SPTA1: variants seen among roughly 807,000 people sequenced by gnomAD.
SPTA1 encodes spectrin alpha, erythrocytic 1.
SPTA1 carries 177 observed loss-of-function variants against 324.7 expected under a neutral mutation model. The ratio of observed to expected loss-of-function variants is 0.55; its 90% CI spans 0.48 to 0.62. The LOEUF (loss-of-function observed/expected upper bound fraction) is 0.62. Ranked by LOEUF, SPTA1 falls within the 20% of genes least tolerant of loss-of-function variation. The probability of loss-of-function intolerance (pLI) is 0.00; values close to 1 mark genes in which losing one functional copy is unlikely to be tolerated. For missense variants in SPTA1, 3,162 were observed against 2,883.6 expected, an observed-to-expected ratio of 1.10 and a Z score of -2.21; for synonymous variants, 1,195 against 1,041.3, an observed-to-expected ratio of 1.15 and a Z score of -2.84.
At chr1:158,672,652 A>G (rs1654106671) in intron 10 of SPTA1, among the ~76,000 whole-genome samples, 1 of 152,248 alleles carries the variant, frequency 6.6e-6, no homozygotes, top group African/African-American at 2.4e-5. Flanking sequence ...CACACTGAGA[A>G]GTTTGCATTT....
intron 18 of SPTA1, among the ~76,000 whole-genome samples, chr1:158,658,419 G>A (rs2101881100): frequency 6.6e-6 from 1 of 152,264 alleles, no homozygotes; most frequent in South Asian, 2.1e-4. Context: ...AGGAAATCCT[G>A]GAGGGTGAGA....
At chr1:158,685,660 A>G (rs929612924) in intron 1 of SPTA1, among the ~76,000 whole-genome samples, 23 of 152,268 alleles carry the variant, frequency 1.5e-4, no homozygotes, top group African/African-American at 5.3e-4. Flanking sequence ...GCAAAATCAC[A>G]TAATTTCAGA....
intron 17 of SPTA1, among the ~76,000 whole-genome samples, chr1:158,662,106 G>T (rs906307696): frequency 6.6e-6 from 1 of 152,034 alleles, no homozygotes; most frequent in Non-Finnish European, 1.5e-5. Context: ...TAAGCCTCAG[G>T]CTTTTATCTT....
intron 18 of SPTA1, among the ~76,000 whole-genome samples, chr1:158,659,989 A>T (rs1653103167): frequency 6.6e-6 from 1 of 152,148 alleles, no homozygotes; most frequent in Admixed American, 6.5e-5. Flanking sequence ...AGGACTCCAA[A>T]TCACAATGGC....
At chr1:158,670,574 T>C (rs988496142) in intron 12 of SPTA1, among the ~76,000 whole-genome samples, 2 of 152,200 alleles carry the variant, frequency 1.3e-5, no homozygotes, top group Non-Finnish European at 2.9e-5. Flanking sequence ...GTGGTATGTA[T>C]GTGCATGTGG....
chr1:158,670,062 C>A (rs1653902036), intron 12 of SPTA1, among the ~76,000 whole-genome samples: 1 of 152,160 alleles, frequency 6.6e-6, no homozygotes, highest in African/African-American at 2.4e-5. Flanking sequence ...TTGATTTATT[C>A]TTGTCTTCAA....
chr1:158,642,611 T>G, intron 32 of SPTA1, 69 bp from the exon 33 acceptor site: 4 of 1,602,420 alleles, frequency 2.5e-6, no homozygotes, highest in African/African-American at 2.7e-5. Flanking sequence ...GTAAATTGTA[T>G]TTAAAAGGAA....
Position 158,639,543 on chromosome 1 carries a change from C to A in SPTA1, c.4980+39G>T, listed in dbSNP as rs1571419779. On this transcript the variant is annotated intron_variant, in intron 35 of 51. Transcript: ENST00000643759. ...GGAGGGAGAAGAGCCAGAAATATTT[C>A]TATTCTGCCCAGAGGAGAGGGATGC... The A allele has an allele frequency of 3.8e-6, 6 of 1,599,066 alleles. No individual in the cohort carries two copies. The East Asian group carries it at 1.3e-4, about 36-fold the overall frequency.
chr1:158,676,300 G>T lies in SPTA1; in HGVS notation c.958-5C>A. The T allele has an allele frequency of 6.2e-7, 1 of 1,613,186 alleles. No homozygotes were observed. The highest frequency in any genetic ancestry group is 8.5e-7 in the Non-Finnish European group (1 of 1,179,534). On this transcript the variant is annotated splice_polypyrimidine_tract_variant and splice_region_variant and intron_variant, in intron 7 of 51. Coordinates refer to ENST00000643759, the MANE Select transcript of SPTA1 (RefSeq NM_003126.4). ...TTTAGCACATAACTCCTTCACCTTT[G>T]GGATGAAAAAGAAACCTAGTAGGAA...
chr1:158,634,461 T>C (rs1650910136), intron 39 of SPTA1, 82 bp downstream of exon 39: 5 of 1,564,844 alleles, frequency 3.2e-6, no homozygotes, highest in Non-Finnish European at 4.4e-6. Context: ...AATGTCCTAA[T>C]ATTACAGGTA....
At position 158,638,220 on chromosome 1, in the gene SPTA1, T is replaced by C; in HGVS notation, c.5002A>G (p.Thr1668Ala). 1 of 1,613,058 alleles carries C rather than the reference T, an allele frequency of 6.2e-7. No individual in the cohort carries two copies. Among genetic ancestry groups the C allele is most frequent in the Non-Finnish European group, 8.5e-7 (1 of 1,179,920 alleles). Reference sequence around the variant, plus strand: ...CTGGAGAGCAAATCTTCAGCCAATGTATTCAGGTCCTTGAGTGCATCCTAG... The same window carrying C: ...CTGGAGAGCAAATCTTCAGCCAATGCATTCAGGTCCTTGAGTGCATCCTAG... ...AREDALKDLN[T>A]LAEDLLSSGT... is the part of the protein sequence containing the mutation. Residue 1668 changes from threonine (T) to alanine (A), a missense_variant, in exon 36 of 52, where the codon ACA (threonine) becomes GCA (alanine). Transcript: ENST00000643759.
intron 47 of SPTA1, among the ~76,000 whole-genome samples, chr1:158,616,159 G>A (rs1334625178): frequency 1.3e-5 from 2 of 151,994 alleles, no homozygotes; most frequent in Non-Finnish European, 2.9e-5. Context: ...GGGTATACAA[G>A]ACAATTTAAT....
intron 1 of SPTA1, 63 bp downstream of exon 1, chr1:158,686,431 A>G (rs1655180566): frequency 8.6e-7 from 1 of 1,159,476 alleles, no homozygotes; most frequent in Non-Finnish European, 1.3e-6. Flanking sequence ...TAGAAAGTTT[A>G]AAGGAAACAT....
intron 15 of SPTA1, 112 bp from the exon 16 acceptor site, chr1:158,666,609 A>C: frequency 1.1e-6 from 1 of 950,730 alleles, no homozygotes; most frequent in Non-Finnish European, 1.6e-6. Context: ...TATTGCAAAG[A>C]GGGAAATATA....
At chr1:158,656,439 T>C in intron 20 of SPTA1, 125 bp downstream of exon 20, 5 of 869,528 alleles carry the variant, frequency 5.8e-6, no homozygotes, top group Non-Finnish European at 9.7e-6. Context: ...ACAAGGGTCA[T>C]AGAACTTAGT....
rs189104318 is a variant in SPTA1 at position 158,651,854 on chromosome 1, T to C, written c.3376-386A>G. ...GTTATTATCTGCCTATATTATGAGA[T>C]ATTGTAAGAAACAGCTCTAGGGAGT... is the stretch of plus-strand genomic sequence containing the variant. On this transcript the variant is annotated intron_variant, in intron 23 of 51. Coordinates refer to ENST00000643759, the MANE Select transcript of SPTA1 (RefSeq NM_003126.4). Among the ~76,000 whole-genome samples, 176 of 151,672 alleles carry C rather than the reference T, an allele frequency of 1.2e-3. 1 individual carries two copies. Among genetic ancestry groups the C allele is most frequent in the African/African-American group, 3.9e-3 (163 of 41,290 alleles).
chr1:158,648,562 G>T lies in SPTA1; in HGVS notation c.3661C>A (p.Leu1221Ile). ...PGSDLFSVQA[L>I]QRRHEGFERD... ...TCAAAGCCCTCATGCCGTCGCTGAA[G>T]AGCCTGAACACTGAACAGATCTGAG... is the stretch of plus-strand genomic sequence containing the variant. Residue 1221 changes from leucine to isoleucine, a missense_variant, in exon 26 of 52, where the codon CTT (leucine) becomes ATT (isoleucine). Transcript: ENST00000643759. 1.2e-6 allele frequency: 2 copies of T among 1,614,022 alleles called. No homozygotes were observed. Among genetic ancestry groups the T allele is most frequent in the Non-Finnish European group, 1.7e-6 (2 of 1,179,974 alleles).
chr1:158,646,379 C>T (rs1285175583), intron 27 of SPTA1, among the ~76,000 whole-genome samples: 1 of 152,078 alleles, frequency 6.6e-6, no homozygotes, highest in Non-Finnish European at 1.5e-5. Context: ...ATTCAAGCAA[C>T]TAAGTTTTAT....
intron 30 of SPTA1, 112 bp from the exon 31 acceptor site, chr1:158,643,537 T>C (rs1026570216): frequency 3.9e-6 from 4 of 1,037,724 alleles, no homozygotes; most frequent in Admixed American, 2.0e-5. Flanking sequence ...TCAGAAGATA[T>C]ACTCAGGGTC....
Sources: allele counts gnomAD v4.1 joint callset (sites outside exome capture counted in the v4.1 genomes callset), GRCh38; gene constraint gnomAD v4.1.1; transcripts MANE v1.5; gene names NCBI Gene and HGNC (gene_info 2026-07-23, HGNC 2026-07-21).